The following VASH2 variants were observed in gnomAD, a reference collection of about 807,000 sequenced individuals.
The protein encoded by VASH2 is vasohibin 2.
Under a neutral mutation model 37.2 loss-of-function variants are expected in VASH2, and 28 were observed. The observed-to-expected ratio is 0.75, with a 90% confidence interval of 0.56 to 1.03. VASH2 has a LOEUF of 1.03. Ranked by LOEUF, VASH2 falls within the 50% of genes least tolerant of loss-of-function variation. The probability of loss-of-function intolerance (pLI) is 0.00; values close to 1 mark genes in which losing one functional copy is unlikely to be tolerated. For synonymous variants in VASH2, 188 were observed against 174.7 expected, an observed-to-expected ratio of 1.08 and a Z score of -0.60; for missense variants, 419 against 459.1, an observed-to-expected ratio of 0.91 and a Z score of 0.80.
intron 7 of VASH2, among the ~76,000 whole-genome samples, chr1:212,978,037 T>C (rs1667231312): frequency 6.6e-6 from 1 of 152,218 alleles, no homozygotes; most frequent in African/African-American, 2.4e-5. Flanking sequence ...GGGCTCAGCC[T>C]TGTCCAGTGT....
chr1:212,986,144 T>G (rs190542960), intron 7 of VASH2, among the ~76,000 whole-genome samples: 3 of 152,238 alleles, frequency 2.0e-5, no homozygotes, highest in Non-Finnish European at 4.4e-5. Context: ...AAAGGTAGTA[T>G]GGAAATAATA....
In VASH2 at chr1:212,953,242, C is replaced by T. The variant is rs556464516; in HGVS notation, c.276+1424C>T. Reference sequence around the variant, plus strand: ...GTATGCGGGTGCGCGGGGGGGGGTGCATTCTCTATGTGGGAATCATGGAAT... The same window carrying T: ...GTATGCGGGTGCGCGGGGGGGGGTGTATTCTCTATGTGGGAATCATGGAAT... On this transcript the variant is annotated intron_variant, in intron 2 of 7. Transcript: ENST00000517399. Among the ~76,000 whole-genome samples the T allele has an allele frequency of 1.1e-4, 16 of 150,630 alleles. No individual in the cohort carries two copies. The East Asian group carries it at 2.9e-3, about 27-fold the overall frequency.
rs754645363 is a variant in VASH2 at position 212,951,651 on chromosome 1, G to A, written c.109G>A (p.Gly37Ser). Residue 37 changes from glycine (G) to serine (S), a missense_variant, in exon 2 of 8, where the codon GGC (glycine) becomes AGC (serine). Transcript: ENST00000517399. This position sits in a 1 kb window ranked among gnomAD's most constrained non-coding sequence, Gnocchi z 4.4. The part of the protein sequence containing the change: ...ARPVSLATSG[G>S]SEEEDKDGGV... Reference sequence around the variant, plus strand: ...GCCCGTGAGCCTCGCCACCAGCGGGGGCTCAGAGGAGGAGGACAAAGACGG... The same window carrying A: ...GCCCGTGAGCCTCGCCACCAGCGGGAGCTCAGAGGAGGAGGACAAAGACGG... 1.9e-6 allele frequency: 3 copies of A among 1,587,162 alleles called. No homozygotes were observed. The African/African-American group carries it at 4.0e-5, about 21-fold the overall frequency.
chr1:212,970,363 C>G (rs2102641539), intron 5 of VASH2, among the ~76,000 whole-genome samples: 1 of 152,298 alleles, frequency 6.6e-6, no homozygotes, highest in Non-Finnish European at 1.5e-5. Context: ...CTCTTGTCTC[C>G]TCCCCACTTC....
chr1:212,988,911 G>T lies in VASH2; in HGVS notation c.*327G>T. On this transcript the variant is annotated 3_prime_UTR_variant, in exon 8 of 8. Coordinates refer to ENST00000517399, the MANE Select transcript of VASH2 (RefSeq NM_001301056.2). ...CTTTGAACATTATGCCTCACCAATA[G>T]TAAATGTTCATGAAATAATCTCTTG... 3.9e-6 allele frequency: 1 copy of T among 259,570 alleles called. No individual in the cohort carries two copies. The highest frequency in any genetic ancestry group is 7.7e-6 in the Non-Finnish European group (1 of 129,400). The allele number at this position is 259,570 out of a possible 1,614,324, so 16.1% of individuals were successfully genotyped here. A position where few individuals can be genotyped will look rare whatever the true frequency, so the allele number is the denominator to read the frequency against.
Position 212,991,089 on chromosome 1 carries a change from A to C in VASH2, c.*2505A>C, listed in dbSNP as rs958953525. Reference sequence around the variant, plus strand: ...TAAGCCATCATGGCAATATATGCAAAGTTTAAATGAATGACAGAAATCTTG... The same window carrying C: ...TAAGCCATCATGGCAATATATGCAACGTTTAAATGAATGACAGAAATCTTG... On this transcript the variant is annotated 3_prime_UTR_variant, in exon 8 of 8. Transcript: ENST00000517399. 6.6e-6 allele frequency: 1 copy of C among 152,240 alleles called. No homozygotes were observed. The highest frequency in any genetic ancestry group is 1.5e-5 in the Non-Finnish European group (1 of 68,040). The allele number at this position is 152,240 out of a possible 1,614,324, so 9.4% of individuals were successfully genotyped here. A position where few individuals can be genotyped will look rare whatever the true frequency, so the allele number is the denominator to read the frequency against.
At chr1:212,952,715 G>GTTTC (rs879035330) in intron 2 of VASH2, 2 of 152,402 alleles carry the variant, frequency 1.3e-5, no homozygotes, top group Admixed American at 1.3e-4. Flanking sequence ...GTGGCGGATG[G>GTTTC]TTTCCCCTGG....
chr1:212,984,364 G>C (rs903761987), intron 7 of VASH2, among the ~76,000 whole-genome samples: 2 of 152,146 alleles, frequency 1.3e-5, no homozygotes, highest in Non-Finnish European at 2.9e-5. Flanking sequence ...CAGGCCTGTG[G>C]CTAGTTAGCT....
rs78728527 is a variant in VASH2 at position 212,971,585 on chromosome 1, G to A, written c.498-995G>A. 6.2e-3 allele frequency among the ~76,000 whole-genome samples: 937 copies of A among 152,300 alleles called. 15 individuals are homozygous for A. Among genetic ancestry groups the A allele is most frequent in the African/African-American group, 0.02 (837 of 41,554 alleles). On this transcript the variant is annotated intron_variant, in intron 5 of 7. Coordinates refer to ENST00000517399, the MANE Select transcript of VASH2 (RefSeq NM_001301056.2). The surrounding 1 kb of genome is among the most constrained non-coding windows in gnomAD (Gnocchi z 4.0). ...AGAAAGCAGCTAGGAATTTACGTAA[G>A]AGGACTCAGAAGGATGTGATTTCAC...
intron 7 of VASH2, among the ~76,000 whole-genome samples, chr1:212,987,397 G>A (rs1667511812): frequency 6.6e-6 from 1 of 151,976 alleles, no homozygotes; most frequent in East Asian, 1.9e-4. Context: ...CCAACATGGT[G>A]AAACCCCATG....
intron 5 of VASH2, among the ~76,000 whole-genome samples, chr1:212,970,701 C>A (rs1391777486): frequency 6.6e-6 from 1 of 152,082 alleles, no homozygotes; most frequent in Non-Finnish European, 1.5e-5. Context: ...ACCAGCCTGA[C>A]CAACATTGTG....
chr1:212,970,361 T>C (rs1666973162), intron 5 of VASH2, among the ~76,000 whole-genome samples: 1 of 152,130 alleles, frequency 6.6e-6, no homozygotes, highest in African/African-American at 2.4e-5. Flanking sequence ...CTCTCTTGTC[T>C]CCTCCCCACT....
intron 2 of VASH2, among the ~76,000 whole-genome samples, chr1:212,956,925 G>C (rs1429431379): frequency 6.6e-6 from 1 of 152,072 alleles, no homozygotes; most frequent in Non-Finnish European, 1.5e-5. Flanking sequence ...CTGTGGCATT[G>C]AGTACCTTCA....
intron 5 of VASH2, chr1:212,968,799 A>C: frequency 1.0e-6 from 1 of 985,486 alleles, no homozygotes; most frequent in Non-Finnish European, 1.2e-6. Flanking sequence ...TTGCTGGTGG[A>C]AGAGATCAAC....
chr1:212,964,115 C>T (rs1666762986), intron 3 of VASH2, among the ~76,000 whole-genome samples: 2 of 152,200 alleles, frequency 1.3e-5, no homozygotes, highest in South Asian at 4.1e-4. Context: ...CCTGGAGCTT[C>T]CTGCTCAGTC....
rs1479726085 is a variant in VASH2, at chr1:212,951,504, G to T, written c.-39G>T. 6 of 1,217,514 alleles carry T rather than the reference G, an allele frequency of 4.9e-6. No homozygotes were observed. The highest frequency in any genetic ancestry group is 6.1e-6 in the Non-Finnish European group (6 of 978,664). 75.4% of individuals were successfully genotyped at this position (1,217,514 alleles called of 1,614,324 possible). On this transcript the variant is annotated 5_prime_UTR_variant, in exon 2 of 8. Transcript: ENST00000517399. This position sits in a 1 kb window ranked among gnomAD's most constrained non-coding sequence, Gnocchi z 4.4. The stretch of plus-strand genomic sequence containing the variant: ...CGCCGCCGCCGCCGCTGCCGCCGCC[G>T]CGCGCCCCCAGTACCTCGCTCCCCG...
intron 2 of VASH2, among the ~76,000 whole-genome samples, chr1:212,957,176 A>G (rs979463186): frequency 1.3e-5 from 2 of 152,260 alleles, no homozygotes; most frequent in African/African-American, 4.8e-5. Flanking sequence ...ATCAAGGTTC[A>G]TCTATGTGAT....
intron 7 of VASH2, among the ~76,000 whole-genome samples, chr1:212,982,472 C>G (rs1438609974): frequency 6.6e-6 from 1 of 152,178 alleles, no homozygotes; most frequent in Non-Finnish European, 1.5e-5. Flanking sequence ...GCTGAATCAT[C>G]ATCCTAGTGC....
chr1:212,987,678 G>A (rs182536707), intron 7 of VASH2, among the ~76,000 whole-genome samples: 107 of 152,202 alleles, frequency 7.0e-4, no homozygotes, highest in African/African-American at 2.5e-3. Flanking sequence ...GAACTCACTA[G>A]CCATACTGAA....
Sources: allele counts gnomAD v4.1 joint callset (sites outside exome capture counted in the v4.1 genomes callset), GRCh38; gene constraint gnomAD v4.1.1; non-coding constraint Gnocchi (gnomAD v3.1); transcripts MANE v1.5; gene names NCBI Gene and HGNC (gene_info 2026-07-23, HGNC 2026-07-21).